ABCB1: variants seen among roughly 807,000 people sequenced by gnomAD.
ABCB1 encodes ATP-dependent translocase ABCB1.
Under a neutral mutation model 142.0 loss-of-function variants are expected in ABCB1, and 69 were observed. The observed-to-expected ratio is 0.49, with a 90% confidence interval of 0.40 to 0.59. The LOEUF (loss-of-function observed/expected upper bound fraction) is 0.59, where lower values mean the gene tolerates loss of function less well. Among genes scored for constraint, ABCB1 ranks in the 20% least tolerant of loss-of-function variants. The pLI is 0.00. For synonymous variants in ABCB1, 532 were observed against 539.2 expected (o/e 0.99, Z 0.18); for missense variants, 1,326 against 1,554.7 (o/e 0.85, Z 2.47).
chr7:87,559,080 T>C (rs1462810235), intron 8 of ABCB1, among the ~76,000 whole-genome samples: 3 of 152,138 alleles, frequency 2.0e-5, no homozygotes, highest in Non-Finnish European at 4.4e-5. Context: ...AAAGTTACAC[T>C]AGCCCCATAA....
chr7:87,586,807 T>G lies in ABCB1; in HGVS notation c.118-1127A>C, dbSNP rs914347481. On this transcript the variant is annotated intron_variant, in intron 3 of 27. Coordinates refer to ENST00000622132, the MANE Select transcript of ABCB1 (RefSeq NM_001348946.2). ...GAGTGGAGAAATAAAGAATGGTTAT[T>G]ACCAGTAATGAATGGCAGTCCATAA... Among the ~76,000 whole-genome samples the G allele has an allele frequency of 2.6e-5, 4 of 152,156 alleles. No individual in the cohort carries two copies. The South Asian group carries it at 8.3e-4, about 32-fold the overall frequency.
intron 1 of ABCB1, among the ~76,000 whole-genome samples, chr7:87,675,959 G>A (rs1394007011): frequency 1.3e-5 from 2 of 152,180 alleles, no homozygotes; most frequent in South Asian, 2.1e-4. Context: ...GCTCATACCT[G>A]TAATCCCAGT....
chr7:87,666,450 T>C (rs1288439246), intron 1 of ABCB1, among the ~76,000 whole-genome samples: 2 of 152,198 alleles, frequency 1.3e-5, no homozygotes, highest in East Asian at 3.8e-4. Flanking sequence ...GTCTCTTTAC[T>C]CTGTGGATAG....
upstream of ABCB1, among the ~76,000 whole-genome samples, chr7:87,601,540 T>A (rs551341310): frequency 2.0e-5 from 3 of 152,398 alleles, no homozygotes; most frequent in South Asian, 6.2e-4. Context: ...TACATTTTAA[T>A]TCAAATTAGT....
chr7:87,506,692 T>C (rs745354532), intron 26 of ABCB1, among the ~76,000 whole-genome samples: 5 of 152,186 alleles, frequency 3.3e-5, no homozygotes, highest in Non-Finnish European at 5.9e-5. Flanking sequence ...ACTATGATGA[T>C]AGGGACAGCA....
intron 22 of ABCB1, among the ~76,000 whole-genome samples, chr7:87,519,816 C>T (rs745356621): frequency 3.9e-5 from 6 of 152,186 alleles, no homozygotes; most frequent in Non-Finnish European, 7.3e-5. Context: ...AAGTACTCTA[C>T]GTAAATATTC....
At chr7:87,628,584 C>CGTGTGTGTGT (rs71117546) in intron 1 of ABCB1, 158 of 290,748 alleles carry the variant, frequency 5.4e-4, no homozygotes, top group Admixed American at 9.5e-4. Context: ...TGCGTGCGTG[C>CGTGTGTGTGT]GTGTGTGTGT....
At chr7:87,551,144 C>T (rs1817049598) in intron 9 of ABCB1, among the ~76,000 whole-genome samples, 1 of 151,940 alleles carries the variant, frequency 6.6e-6, no homozygotes, top group African/African-American at 2.4e-5. Context: ...GCCTCAGTCT[C>T]CCAAGTAGCT....
At chr7:87,612,616 C>G (rs1163355070) in intron 1 of ABCB1, among the ~76,000 whole-genome samples, 4 of 152,206 alleles carry the variant, frequency 2.6e-5, no homozygotes, top group Admixed American at 2.0e-4. Context: ...TTCTATTGGT[C>G]TATATATCTA....
At position 87,516,572 on chromosome 7, in the gene ABCB1, G is replaced by A. The variant is rs768043190; in HGVS notation, c.3021C>T (p.His1007=). The part of the protein sequence containing the change: ...DYAKAKISAA[H]IIMIIEKTPL... ...GGGTTTTTTCAATGATCATGATGAT[G>A]TGGGCTGCTGATATTTTGGCTTTGG... Residue 1007 remains histidine, a synonymous_variant, in exon 24 of 28, where the codon CAC becomes CAT. Transcript: ENST00000622132. 4 of 1,614,192 alleles carry A rather than the reference G, an allele frequency of 2.5e-6. No individual in the cohort carries two copies. Among genetic ancestry groups the A allele is most frequent in the Non-Finnish European group, 3.4e-6 (4 of 1,180,040 alleles).
At chr7:87,614,851 T>TG (rs997886027) in intron 1 of ABCB1, among the ~76,000 whole-genome samples, 218 of 150,328 alleles carry the variant, frequency 1.5e-3, no homozygotes, top group African/African-American at 4.0e-3. Context: ...TTTTTTTTGG[T>TG]GGGGGGGGCC....
At chr7:87,672,112 A>G (rs971988293) in intron 1 of ABCB1, among the ~76,000 whole-genome samples, 1 of 151,792 alleles carries the variant, frequency 6.6e-6, no homozygotes, top group African/African-American at 2.4e-5. Context: ...AGAGATGGCG[A>G]CCTGCCTCTC....
intron 23 of ABCB1, among the ~76,000 whole-genome samples, chr7:87,518,629 A>T (rs1331643848): frequency 6.6e-6 from 1 of 152,242 alleles, no homozygotes; most frequent in Non-Finnish European, 1.5e-5. Flanking sequence ...TGGTTTAAAT[A>T]TAAAATTATA....
intron 8 of ABCB1, among the ~76,000 whole-genome samples, chr7:87,558,294 A>G (rs1487329368): frequency 6.6e-6 from 1 of 152,196 alleles, no homozygotes; most frequent in Non-Finnish European, 1.5e-5. Context: ...CATTTCAGAG[A>G]TGATGGATTC....
intron 1 of ABCB1, among the ~76,000 whole-genome samples, chr7:87,658,921 G>C (rs1462099408): frequency 6.6e-6 from 1 of 152,178 alleles, no homozygotes; most frequent in Non-Finnish European, 1.5e-5. Flanking sequence ...GGAGGCCAAA[G>C]CAAGCGGATC....
rs527404179 is a variant in ABCB1 at position 87,562,877 on chromosome 7, T to G, written c.703-1490A>C. On this transcript the variant is annotated intron_variant, in intron 7 of 27. Transcript: ENST00000622132. ...GACTTTGGGGTGACAAGTGGGAGAA[T>G]CACTTGAGGCCAAGAGTTCACGACC... Among the ~76,000 whole-genome samples, 7 of 151,474 alleles carry G rather than the reference T, an allele frequency of 4.6e-5. No homozygotes were observed. The East Asian group carries it at 1.4e-3, about 29-fold the overall frequency.
intron 1 of ABCB1, among the ~76,000 whole-genome samples, chr7:87,687,946 T>TTTCCAACTTTTG (rs1452149849): frequency 6.6e-6 from 1 of 152,184 alleles, no homozygotes; most frequent in Non-Finnish European, 1.5e-5. Flanking sequence ...TTTTGAAGAT[T>TTTCCAACTTTTG]TTCCAACTTT....
intron 10 of ABCB1, 56 bp downstream of exon 10, chr7:87,550,669 T>C: frequency 6.4e-7 from 1 of 1,559,814 alleles, no homozygotes; most frequent in Non-Finnish European, 8.8e-7. Flanking sequence ...GACAAAGAAA[T>C]TGACTTAACT....
At chr7:87,693,761 G>C (rs1316339088) in intron 1 of ABCB1, 1 of 653,758 alleles carries the variant, frequency 1.5e-6, no homozygotes, top group Non-Finnish European at 2.6e-6. Context: ...TCTTAACAGA[G>C]TTCATTTATT....
Sources: allele counts gnomAD v4.1 joint callset (sites outside exome capture counted in the v4.1 genomes callset), GRCh38; gene constraint gnomAD v4.1.1; transcripts MANE v1.5; gene names NCBI Gene and HGNC (gene_info 2026-07-23, HGNC 2026-07-21).